FAM117B: variants seen among roughly 807,000 people sequenced by gnomAD.
FAM117B encodes the protein family with sequence similarity 117 member B.
In FAM117B, 22 loss-of-function variants were observed where a neutral mutation model predicts 52.8. The ratio of observed to expected loss-of-function variants is 0.42; its 90% CI spans 0.30 to 0.59. FAM117B has a LOEUF of 0.59. FAM117B is among the 20% of genes least tolerant of loss of function. FAM117B has a pLI of 0.22. For synonymous variants in FAM117B, 309 were observed against 324.1 expected (o/e 0.95, Z 0.50); for missense variants, 678 against 802.6 (o/e 0.84, Z 1.88).
At chr2:202,763,887 CAG>C (rs906447801) in intron 7 of FAM117B, among the ~76,000 whole-genome samples, 1 of 152,184 alleles carries the variant, frequency 6.6e-6, no homozygotes, top group African/African-American at 2.4e-5. Context: ...AAACCCAGCT[CAG>C]AGGGTTACTA....
chr2:202,731,512 C>A (rs1260552028), intron 4 of FAM117B, among the ~76,000 whole-genome samples: 2 of 151,244 alleles, frequency 1.3e-5, no homozygotes, highest in East Asian at 3.9e-4. Flanking sequence ...ATCATTGTAA[C>A]CTCCGCCTCC....
intron 1 of FAM117B, among the ~76,000 whole-genome samples, chr2:202,688,194 A>G (rs893403340): frequency 1.3e-4 from 20 of 152,244 alleles, no homozygotes; most frequent in African/African-American, 4.3e-4. Flanking sequence ...TTCTGTATGC[A>G]TACTTAGATG....
At chr2:202,726,855 A>T (rs1377233533) in intron 4 of FAM117B, among the ~76,000 whole-genome samples, 1 of 152,184 alleles carries the variant, frequency 6.6e-6, no homozygotes, top group African/African-American at 2.4e-5. Flanking sequence ...TAATGGGTAC[A>T]GCAAACCAAA....
chr2:202,725,439 C>A (rs1319355094), intron 3 of FAM117B, among the ~76,000 whole-genome samples: 2 of 151,988 alleles, frequency 1.3e-5, no homozygotes, highest in Admixed American at 6.6e-5. Flanking sequence ...GTGCCTCAGC[C>A]TCCCAAGTAC....
intron 2 of FAM117B, among the ~76,000 whole-genome samples, chr2:202,713,203 G>A (rs1168207664): frequency 6.6e-6 from 1 of 152,022 alleles, no homozygotes; most frequent in Non-Finnish European, 1.5e-5. Context: ...TTTTGATTTT[G>A]TTACTTGTTA....
intron 4 of FAM117B, among the ~76,000 whole-genome samples, chr2:202,736,895 T>A (rs979985484): frequency 1.6e-4 from 25 of 151,868 alleles, no homozygotes; most frequent in African/African-American, 6.1e-4. Context: ...TACTTGCCTA[T>A]CAAAGCACAT....
chr2:202,714,238 C>A (rs537118269), intron 2 of FAM117B, among the ~76,000 whole-genome samples: 8 of 152,118 alleles, frequency 5.3e-5, no homozygotes, highest in Admixed American at 4.6e-4. Flanking sequence ...ATAGTCTGTC[C>A]TTGAGAATGA....
rs181294304 is a variant in FAM117B, at chr2:202,753,766, A to C, written c.961-1772A>C. 8.9e-4 allele frequency among the ~76,000 whole-genome samples: 136 copies of C among 152,108 alleles called. 1 individual carries two copies. The highest frequency in any genetic ancestry group is 3.1e-3 in the African/African-American group (130 of 41,444). ...CCAACAAACATGTAAAAAAAAAAAA[A>C]CATGAAAAACTCAACATCACTGATC... is the stretch of plus-strand genomic sequence containing the variant. On this transcript the variant is annotated intron_variant, in intron 4 of 7. Transcript: ENST00000392238.
In FAM117B at chr2:202,716,412, G is replaced by C. The variant is rs1465260345; in HGVS notation, c.754-8505G>C. On this transcript the variant is annotated intron_variant, in intron 2 of 7. Transcript: ENST00000392238. ...TATTGATGAGTGAAGACTTACTCCT[G>C]CCATTTTGTTATTTGTTTTCTGGTT... is the stretch of plus-strand genomic sequence containing the variant. 2.0e-5 allele frequency among the ~76,000 whole-genome samples: 3 copies of C among 151,926 alleles called. No homozygotes were observed. The South Asian group carries it at 6.2e-4, about 32-fold the overall frequency.
chr2:202,714,978 C>A (rs1691021301), intron 2 of FAM117B, among the ~76,000 whole-genome samples: 1 of 152,202 alleles, frequency 6.6e-6, no homozygotes, highest in Non-Finnish European at 1.5e-5. Context: ...GTCTTTTCCC[C>A]ACCTTTCCCC....
intron 2 of FAM117B, among the ~76,000 whole-genome samples, chr2:202,700,042 T>C (rs1690774393): frequency 1.3e-5 from 2 of 152,246 alleles, no homozygotes; most frequent in African/African-American, 4.8e-5. Context: ...ATGTTGTGTG[T>C]ATTCTGACTG....
intron 2 of FAM117B, among the ~76,000 whole-genome samples, chr2:202,720,348 C>T (rs1260362867): frequency 6.6e-6 from 1 of 151,602 alleles, no homozygotes; most frequent in South Asian, 2.1e-4. Context: ...AATCAGAATA[C>T]TACAGCTGTG....
At chr2:202,755,165 T>C (rs1368303060) in intron 4 of FAM117B, among the ~76,000 whole-genome samples, 1 of 152,126 alleles carries the variant, frequency 6.6e-6, no homozygotes, top group African/African-American at 2.4e-5. Context: ...CCCCATGATT[T>C]GGGTGAGACA....
rs1689658597 is a variant in FAM117B, at chr2:202,635,245, G to A, written c.58G>A (p.Gly20Ser). The A allele has an allele frequency of 1.5e-6, 2 of 1,346,516 alleles. No homozygotes were observed. The highest frequency in any genetic ancestry group is 1.9e-6 in the Non-Finnish European group (2 of 1,046,618). The allele number at this position is 1,346,516 out of a possible 1,614,324, so 83.4% of individuals were successfully genotyped here. A position where few individuals can be genotyped will look rare whatever the true frequency, so the allele number is the denominator to read the frequency against. The change falls in exon 1 of 8, where the codon GGT becomes AGT. Residue 20 changes from glycine (G) to serine (S), a missense_variant. Coordinates refer to ENST00000392238, the MANE Select transcript of FAM117B (RefSeq NM_173511.4). ...SPTPAGSLGG[G>S]AVATAGGPGS... is the part of the protein sequence containing the mutation. Reference sequence around the variant, plus strand: ...CACGCCGGCCGGCTCCCTTGGGGGTGGTGCGGTGGCCACGGCCGGGGGACC... The same window carrying A: ...CACGCCGGCCGGCTCCCTTGGGGGTAGTGCGGTGGCCACGGCCGGGGGACC...
intron 1 of FAM117B, among the ~76,000 whole-genome samples, chr2:202,693,728 C>G (rs1469794194): frequency 2.0e-5 from 3 of 152,116 alleles, no homozygotes; most frequent in Non-Finnish European, 4.4e-5. Flanking sequence ...GTCTTTAGAT[C>G]AGGACGTGTG....
chr2:202,733,587 C>T (rs1273181233), intron 4 of FAM117B, among the ~76,000 whole-genome samples: 1 of 152,178 alleles, frequency 6.6e-6, no homozygotes, highest in South Asian at 2.1e-4. Flanking sequence ...TCAGTGATAT[C>T]TCTCCTACTT....
Position 202,768,649 on chromosome 2 carries a change from A to G in FAM117B, c.*2885A>G, listed in dbSNP as rs1452820363. 6.6e-6 allele frequency: 1 copy of G among 152,478 alleles called. No homozygotes were observed. The highest frequency in any genetic ancestry group is 1.5e-5 in the Non-Finnish European group (1 of 68,000). 9.4% of individuals were successfully genotyped at this position (152,478 alleles called of 1,614,324 possible). A position where few individuals can be genotyped will look rare whatever the true frequency, so the allele number is the denominator to read the frequency against. On this transcript the variant is annotated 3_prime_UTR_variant, in exon 8 of 8. Coordinates refer to ENST00000392238, the MANE Select transcript of FAM117B (RefSeq NM_173511.4). ...TTTTTAAATGGGTCTCCAGCTTTCC[A>G]GTGAAATGTGACACTCTCAATAGAA...
At chr2:202,684,474 C>T (rs559401938) in intron 1 of FAM117B, among the ~76,000 whole-genome samples, 1 of 152,276 alleles carries the variant, frequency 6.6e-6, no homozygotes, top group East Asian at 1.9e-4. Context: ...ACGTTCTCTC[C>T]CTTTTTCTTC....
Position 202,724,972 on chromosome 2 carries a change from G to A in FAM117B, c.809G>A (p.Arg270His), listed in dbSNP as rs773045277. Residue 270 changes from arginine (R) to histidine (H), a missense_variant, in exon 3 of 8, where the codon CGC (arginine) becomes CAC (histidine). This residue lies in a region of FAM117B where 583 missense variants were observed against 644.8 expected (regional missense o/e 0.90). Coordinates refer to ENST00000392238, the MANE Select transcript of FAM117B (RefSeq NM_173511.4). ...YSEKKKGSHK[R>H]SASWGSTDQL... ...GAAAAGAAGAAAGGGTCTCACAAGC[G>A]CTCAGCATCTTGGGGCAGTACAGAT... The A allele has an allele frequency of 9.3e-6, 15 of 1,613,214 alleles. No homozygotes were observed. Among genetic ancestry groups the A allele is most frequent in the African/African-American group, 4.0e-5 (3 of 74,896 alleles).
Sources: allele counts gnomAD v4.1 joint callset (sites outside exome capture counted in the v4.1 genomes callset), GRCh38; gene constraint gnomAD v4.1.1; regional missense constraint gnomAD v4.1.1; transcripts MANE v1.5; gene names NCBI Gene and HGNC (gene_info 2026-07-23, HGNC 2026-07-21).